MTFR1L: variants seen among roughly 807,000 people sequenced by gnomAD.
MTFR1L encodes the protein mitochondrial fission regulator 1 like, also known as mitochondrial fission regulator 1-like.
Under a neutral mutation model 27.9 loss-of-function variants are expected in MTFR1L, and 10 were observed. The observed-to-expected ratio is 0.36, with a 90% CI of 0.22 to 0.61. MTFR1L has a LOEUF of 0.61. Among genes scored for constraint, MTFR1L ranks in the 20% least tolerant of loss-of-function variants. MTFR1L has a pLI of 0.73. For synonymous variants in MTFR1L, 151 were observed against 139.4 expected, an observed-to-expected ratio of 1.08 and a Z score of -0.58; for missense variants, 315 against 363.7, an observed-to-expected ratio of 0.87 and a Z score of 1.09.
chr1:25,832,033 T>C lies in MTFR1L; in HGVS notation c.*7T>C. On this transcript the variant is annotated 3_prime_UTR_variant, in exon 7 of 7. Transcript: ENST00000374303. ...CAGTAGAAAAGGAAATTGACAACCC[T>C]CAGCTCTGCAAACTCAGTCTCATGC... 6.2e-7 allele frequency: 1 copy of C among 1,614,092 alleles called. No homozygotes were observed. The highest frequency in any genetic ancestry group is 8.5e-7 in the Non-Finnish European group (1 of 1,180,000).
intron 2 of MTFR1L, 172 bp from the exon 3 acceptor site, chr1:25,823,472 C>A: frequency 2.8e-6 from 3 of 1,076,454 alleles, no homozygotes; most frequent in Non-Finnish European, 4.1e-6. Flanking sequence ...AGGGTGTAGG[C>A]TGGCAACTGG....
chr1:25,830,187 T>C (rs2048219811), intron 6 of MTFR1L, among the ~76,000 whole-genome samples: 1 of 152,198 alleles, frequency 6.6e-6, no homozygotes, highest in Non-Finnish European at 1.5e-5. Flanking sequence ...ACATTATGTT[T>C]TGTTATGTTT....
Sources: allele counts gnomAD v4.1 joint callset (sites outside exome capture counted in the v4.1 genomes callset), GRCh38; gene constraint gnomAD v4.1.1; transcripts MANE v1.5; gene names NCBI Gene and HGNC (gene_info 2026-07-23, HGNC 2026-07-21).